The following CADPS2 variants were observed in gnomAD, a reference collection of about 807,000 sequenced individuals.
CADPS2 encodes the protein calcium-dependent secretion activator 2.
A neutral mutation model predicts 172.5 loss-of-function variants in CADPS2; 93 were observed. That is an observed-to-expected ratio of 0.54 (90% CI 0.46 to 0.64). The LOEUF is 0.64. Ranked by LOEUF, CADPS2 falls within the 30% of genes least tolerant of loss-of-function variation. The pLI, the probability that CADPS2 is intolerant of heterozygous loss-of-function variation, is 0.00. For synonymous variants in CADPS2, 546 were observed against 555.2 expected (o/e 0.98, Z 0.23); for missense variants, 1,420 against 1,565.9 (o/e 0.91, Z 1.57).
chr7:122,778,606 G>T (rs2093954388), intron 1 of CADPS2, among the ~76,000 whole-genome samples: 1 of 152,176 alleles, frequency 6.6e-6, no homozygotes, highest in Non-Finnish European at 1.5e-5. Context: ...GCCACCTAGG[G>T]ACTTGGTGCC....
chr7:122,574,115 C>T (rs993809366), intron 7 of CADPS2, among the ~76,000 whole-genome samples: 3 of 151,642 alleles, frequency 2.0e-5, no homozygotes, highest in African/African-American at 7.3e-5. Flanking sequence ...ATATTGATGT[C>T]GTTGAGAAGC....
intron 1 of CADPS2, among the ~76,000 whole-genome samples, chr7:122,790,510 C>T (rs1438342184): frequency 6.6e-6 from 1 of 151,948 alleles, no homozygotes; most frequent in African/African-American, 2.4e-5. Flanking sequence ...CCACCTACCC[C>T]TGGCCAATTT....
chr7:122,422,608 TACTC>T (rs1470495870), intron 17 of CADPS2, among the ~76,000 whole-genome samples: 1 of 152,060 alleles, frequency 6.6e-6, no homozygotes, highest in Non-Finnish European at 1.5e-5. Flanking sequence ...GATCAGAAAA[TACTC>T]TATCTTAGGT....
At chr7:122,568,134 C>T (rs1474036362) in intron 7 of CADPS2, among the ~76,000 whole-genome samples, 1 of 152,066 alleles carries the variant, frequency 6.6e-6, no homozygotes, top group East Asian at 1.9e-4. Context: ...CACAGTGGCT[C>T]ATGCCTATAA....
At chr7:122,695,844 GA>G (rs1330905077) in intron 2 of CADPS2, among the ~76,000 whole-genome samples, 1 of 152,048 alleles carries the variant, frequency 6.6e-6, no homozygotes, top group African/African-American at 2.4e-5. Context: ...AAAAGGAGGA[GA>G]AAAAAGAAAA....
intron 7 of CADPS2, among the ~76,000 whole-genome samples, chr7:122,569,905 G>C (rs112823319): frequency 1.1e-4 from 15 of 141,602 alleles, no homozygotes; most frequent in East Asian, 4.0e-4. Flanking sequence ...AGACTTAAAC[G>C]TTAGACCTAA....
chr7:122,522,185 G>A (rs889103738), intron 8 of CADPS2, among the ~76,000 whole-genome samples: 9 of 151,958 alleles, frequency 5.9e-5, no homozygotes, highest in Non-Finnish European at 1.2e-4. Flanking sequence ...TGTGATCTTG[G>A]CTCACTGAAA....
At chr7:122,836,112 G>A (rs1366549903) in intron 1 of CADPS2, among the ~76,000 whole-genome samples, 3 of 152,258 alleles carry the variant, frequency 2.0e-5, no homozygotes, top group Middle Eastern at 3.4e-3. Flanking sequence ...AGAAGAGAGT[G>A]GGGGCCAATA....
At chr7:122,692,155 C>T (rs192000420) in intron 2 of CADPS2, among the ~76,000 whole-genome samples, 5 of 152,268 alleles carry the variant, frequency 3.3e-5, no homozygotes, top group Non-Finnish European at 5.9e-5. Flanking sequence ...TGTACACCAA[C>T]GTCCTTCTCC....
intron 1 of CADPS2, among the ~76,000 whole-genome samples, chr7:122,882,537 T>A (rs955038153): frequency 3.3e-5 from 5 of 152,084 alleles, no homozygotes; most frequent in African/African-American, 1.2e-4. Flanking sequence ...CTCACATTTA[T>A]GAGTAAAGGT....
chr7:122,378,466 AT>A (rs753699943), intron 25 of CADPS2, among the ~76,000 whole-genome samples: 2 of 152,140 alleles, frequency 1.3e-5, no homozygotes, highest in African/African-American at 4.8e-5. Flanking sequence ...CTTACTTTGC[AT>A]TCCTTAAATT....
chr7:122,339,160 C>A (rs1199958920), intron 28 of CADPS2, among the ~76,000 whole-genome samples: 1 of 152,164 alleles, frequency 6.6e-6, no homozygotes, highest in African/African-American at 2.4e-5. Context: ...TCCTAGTAAA[C>A]AGGCTGATTA....
intron 17 of CADPS2, among the ~76,000 whole-genome samples, chr7:122,432,658 A>G (rs991223797): frequency 1.6e-4 from 24 of 150,546 alleles, no homozygotes; most frequent in Non-Finnish European, 2.5e-4. Flanking sequence ...AAAAAAAAAA[A>G]AAAGAAAAAA....
intron 1 of CADPS2, among the ~76,000 whole-genome samples, chr7:122,876,794 G>A (rs942226121): frequency 3.3e-5 from 5 of 151,808 alleles, no homozygotes; most frequent in African/African-American, 7.3e-5. Context: ...TTCTGAAATC[G>A]TGCAATTATC....
rs571968464 is a variant in CADPS2, at chr7:122,543,193, G to A, written c.1475+11357C>T. 5.9e-5 allele frequency among the ~76,000 whole-genome samples: 9 copies of A among 152,154 alleles called. No homozygotes were observed. In the East Asian group the frequency reaches 1.7e-3, roughly 29 times the overall value. On this transcript the variant is annotated intron_variant, in intron 8 of 29. Transcript: ENST00000449022. ...CTTTCCAAATGGATGCCAAAGTCAT[G>A]GAAGAAGCAATTAATATCTAACAGT...
At chr7:122,541,265 C>T (rs554314808) in intron 8 of CADPS2, among the ~76,000 whole-genome samples, 15 of 144,886 alleles carry the variant, frequency 1.0e-4, no homozygotes, top group East Asian at 6.1e-4. Flanking sequence ...GGTGTGATCT[C>T]GGCTCACTGC....
At chr7:122,850,362 AG>A (rs556159522) in intron 1 of CADPS2, 7 of 374,754 alleles carry the variant, frequency 1.9e-5, no homozygotes, top group Admixed American at 3.9e-5. Flanking sequence ...ATCACCACCT[AG>A]GGGGGTGACA....
At chr7:122,710,161 T>C (rs1035264871) in intron 2 of CADPS2, among the ~76,000 whole-genome samples, 1 of 151,648 alleles carries the variant, frequency 6.6e-6, no homozygotes, top group Non-Finnish European at 1.5e-5. Context: ...ACAAGTCCTA[T>C]GATGGTTAAC....
At chr7:122,625,808 C>T (rs1488537610) in intron 4 of CADPS2, among the ~76,000 whole-genome samples, 2 of 152,140 alleles carry the variant, frequency 1.3e-5, no homozygotes, top group Non-Finnish European at 2.9e-5. Flanking sequence ...TATATATACA[C>T]ACATAACATG....
Sources: allele counts gnomAD v4.1 joint callset (sites outside exome capture counted in the v4.1 genomes callset), GRCh38; gene constraint gnomAD v4.1.1; transcripts MANE v1.5; gene names NCBI Gene and HGNC (gene_info 2026-07-23, HGNC 2026-07-21).